The following SEMA3A variants were observed in gnomAD, a reference collection of about 807,000 sequenced individuals.
SEMA3A encodes semaphorin 3A.
SEMA3A carries 29 observed loss-of-function variants against 97.9 expected under a neutral mutation model. The ratio of observed to expected loss-of-function variants is 0.30; its 90% CI spans 0.22 to 0.40. SEMA3A has a LOEUF of 0.40. Ranked by LOEUF, SEMA3A falls within the 10% of genes least tolerant of loss-of-function variation. The pLI is 1.00. For missense variants in SEMA3A, 763 were observed against 951.3 expected (o/e 0.80, Z 2.60); for synonymous variants, 321 against 323.7 (o/e 0.99, Z 0.09).
intron 3 of SEMA3A, among the ~76,000 whole-genome samples, chr7:84,261,259 C>G (rs1287606989): frequency 6.6e-6 from 1 of 152,180 alleles, no homozygotes; most frequent in African/African-American, 2.4e-5. Context: ...TAACACTCCT[C>G]TCTACCTGGC....
At chr7:84,044,756 T>G (rs1453173503) in intron 6 of SEMA3A, among the ~76,000 whole-genome samples, 11 of 152,020 alleles carry the variant, frequency 7.2e-5, no homozygotes, top group Admixed American at 7.2e-4. Flanking sequence ...TGGGACTTTG[T>G]GGCATACCAT....
intron 1 of SEMA3A, among the ~76,000 whole-genome samples, chr7:84,136,681 CCTGCGGAAATATATAATTAATAG>C (rs1340270652): frequency 6.6e-6 from 1 of 152,078 alleles, no homozygotes; most frequent in Non-Finnish European, 1.5e-5. Flanking sequence ...ATGAACATTC[CCTGCGGAAATATATAATTAATAG>C]CTCATCATGC....
chr7:84,258,254 A>G (rs1454371468), intron 3 of SEMA3A, among the ~76,000 whole-genome samples: 1 of 152,134 alleles, frequency 6.6e-6, no homozygotes, highest in Non-Finnish European at 1.5e-5. Context: ...TTCTGATATA[A>G]GCTCATATTT....
intron 2 of SEMA3A, among the ~76,000 whole-genome samples, chr7:84,308,746 C>A (rs566376530): frequency 6.6e-6 from 1 of 151,860 alleles, no homozygotes; most frequent in Non-Finnish European, 1.5e-5. Context: ...GGAAGCGGCA[C>A]TGAGGAGCAA....
intron 1 of SEMA3A, among the ~76,000 whole-genome samples, chr7:84,484,912 C>A (rs1213511769): frequency 6.6e-6 from 1 of 152,102 alleles, no homozygotes; most frequent in Non-Finnish European, 1.5e-5. Flanking sequence ...TTTATTGCAA[C>A]CTGCACTGCA....
chr7:84,248,303 G>C (rs940200837), intron 3 of SEMA3A, among the ~76,000 whole-genome samples: 14 of 152,132 alleles, frequency 9.2e-5, no homozygotes, highest in African/African-American at 3.1e-4. Flanking sequence ...TATTAAAATG[G>C]ATTTTTTTAA....
chr7:84,203,492 T>TTGTGTGTG (rs200700704), intron 3 of SEMA3A, among the ~76,000 whole-genome samples: 4 of 124,006 alleles, frequency 3.2e-5, no homozygotes, highest in Admixed American at 8.2e-5. Context: ...AAGTATTTCT[T>TTGTGTGTG]TGTGTGTGTG....
intron 2 of SEMA3A, among the ~76,000 whole-genome samples, chr7:84,310,449 T>A (rs1271396616): frequency 1.3e-5 from 2 of 152,064 alleles, no homozygotes; most frequent in East Asian, 3.9e-4. Flanking sequence ...AGGTAAAGAT[T>A]CCTAACAAGC....
rs184572220 is a variant in SEMA3A, at chr7:84,042,447, G to C, written c.667+3877C>G. Among the ~76,000 whole-genome samples the C allele has an allele frequency of 2.0e-5, 3 of 152,058 alleles. No individual in the cohort carries two copies. In the East Asian group the frequency reaches 5.8e-4, roughly 29 times the overall value. On this transcript the variant is annotated intron_variant, in intron 6 of 16. Transcript: ENST00000265362. ...CCATGTGGTTTCATATATTAAACCC[G>C]ACTCTGGCTGCCCTTTCACCCTGAC...
Position 84,001,979 on chromosome 7 carries a change from C to G in SEMA3A, c.1428G>C (p.Leu476=), listed in dbSNP as rs760419667. ...KETWYDLEEV[L]LEEMTVFREP... ...CCCGAAAAACTGTCATTTCTTCCAG[C>G]AGAACCTCTTCTAAATCATACCAAG... Residue 476 remains leucine (L), a synonymous_variant, in exon 12 of 17, where the codon CTG becomes CTC. Coordinates refer to ENST00000265362, the MANE Select transcript of SEMA3A (RefSeq NM_006080.3). 3 of 1,612,542 alleles carry G rather than the reference C, an allele frequency of 1.9e-6. No homozygotes were observed. In the South Asian group the frequency reaches 3.3e-5, roughly 18 times the overall value.
chr7:84,441,901 A>C (rs1805283350), intron 1 of SEMA3A, among the ~76,000 whole-genome samples: 1 of 152,226 alleles, frequency 6.6e-6, no homozygotes, highest in African/African-American at 2.4e-5. Flanking sequence ...AAAAACAAAC[A>C]AAACAAAACA....
chr7:84,441,855 T>G (rs1268781329), intron 1 of SEMA3A, among the ~76,000 whole-genome samples: 2 of 152,196 alleles, frequency 1.3e-5, no homozygotes, highest in Non-Finnish European at 2.9e-5. Flanking sequence ...TTAAAAGCTT[T>G]GGACACCAGA....
chr7:83,986,531 A>G (rs909614120), intron 12 of SEMA3A, among the ~76,000 whole-genome samples: 2 of 152,182 alleles, frequency 1.3e-5, no homozygotes, highest in South Asian at 4.1e-4. Context: ...CTTTAGGTTC[A>G]TGGTCAATGA....
intron 4 of SEMA3A, among the ~76,000 whole-genome samples, chr7:84,079,940 CT>C (rs1794092290): frequency 6.8e-6 from 1 of 147,226 alleles, no homozygotes; most frequent in African/African-American, 2.6e-5. Context: ...ATAGCAAAGA[CT>C]TGGAACCAAC....
chr7:84,021,353 G>A (rs190611997), intron 6 of SEMA3A, among the ~76,000 whole-genome samples: 2 of 152,012 alleles, frequency 1.3e-5, no homozygotes, highest in Admixed American at 6.6e-5. Context: ...TTTGTCTTAC[G>A]ACAGGCATTT....
chr7:84,476,551 C>T (rs749356966), intron 1 of SEMA3A, among the ~76,000 whole-genome samples: 3 of 151,872 alleles, frequency 2.0e-5, no homozygotes, highest in Non-Finnish European at 4.4e-5. Context: ...ATGCCTACAA[C>T]ATTGTAGGCA....
chr7:84,402,055 G>A (rs996663115), intron 1 of SEMA3A, among the ~76,000 whole-genome samples: 6 of 152,070 alleles, frequency 3.9e-5, no homozygotes, highest in African/African-American at 1.4e-4. Flanking sequence ...AGAAAGTGAA[G>A]AGACAACTTC....
At chr7:84,413,542 C>T (rs987190812) in intron 1 of SEMA3A, among the ~76,000 whole-genome samples, 1 of 152,162 alleles carries the variant, frequency 6.6e-6, no homozygotes. Flanking sequence ...GTGGGAAGAC[C>T]ACCTGATTCT....
Position 84,448,190 on chromosome 7 carries a change from G to A in SEMA3A, c.-246+44270C>T, listed in dbSNP as rs576517588. Among the ~76,000 whole-genome samples, 4 of 152,310 alleles carry A rather than the reference G, an allele frequency of 2.6e-5. No homozygotes were observed. The South Asian group carries it at 6.2e-4, about 24-fold the overall frequency. On this transcript the variant is annotated intron_variant, in intron 1 of 3. Transcript: ENST00000424555. ...TTGGAGGAAGGAGCCCAGCAGGCATGAGCAAAACTCAGGCAAAGACGCCAC... is the reference window on the plus strand; with the variant it reads ...TTGGAGGAAGGAGCCCAGCAGGCATAAGCAAAACTCAGGCAAAGACGCCAC...
Sources: allele counts gnomAD v4.1 joint callset (sites outside exome capture counted in the v4.1 genomes callset), GRCh38; gene constraint gnomAD v4.1.1; transcripts MANE v1.5; gene names NCBI Gene and HGNC (gene_info 2026-07-23, HGNC 2026-07-21).